The following ELK3 variants were observed in gnomAD, a reference collection of about 807,000 sequenced individuals.
ELK3 encodes the protein ETS transcription factor ELK3.
A neutral mutation model predicts 28.9 loss-of-function variants in ELK3; 10 were observed. That is an observed-to-expected ratio of 0.35 (90% CI 0.21 to 0.59). ELK3 has a LOEUF of 0.59. ELK3 is among the 20% of genes least tolerant of loss of function. The pLI is 0.82. For missense variants in ELK3, 463 were observed against 517.3 expected (o/e 0.90, Z 1.02); for synonymous variants, 272 against 243.5 (o/e 1.12, Z -1.09).
rs757158344 is a variant in ELK3 at position 96,247,092 on chromosome 12, G to A, written c.360G>A (p.Glu120=). ...GCAAGGCGTCTCCGGAGGGCCGCGAGGCCCACAAACACGGCCTGGCCGCCC... is the reference window on the plus strand; with the variant it reads ...GCAAGGCGTCTCCGGAGGGCCGCGAAGCCCACAAACACGGCCTGGCCGCCC... The part of the protein sequence containing the change: ...SDCKASPEGR[E]AHKHGLAALR... Residue 120 remains glutamate (E), a synonymous_variant, in exon 3 of 5, where the codon GAG becomes GAA. Coordinates refer to ENST00000228741, the MANE Select transcript of ELK3 (RefSeq NM_005230.4). This position sits in a 1 kb window ranked among gnomAD's most constrained non-coding sequence, Gnocchi z 5.5. 1.2e-6 allele frequency: 2 copies of A among 1,613,768 alleles called. No homozygotes were observed. The highest frequency in any genetic ancestry group is 1.7e-6 in the Non-Finnish European group (2 of 1,179,934).
intron 2 of ELK3, among the ~76,000 whole-genome samples, chr12:96,239,003 A>G (rs569935632): frequency 2.0e-5 from 3 of 152,260 alleles, no homozygotes; most frequent in Non-Finnish European, 4.4e-5. Flanking sequence ...ACTAGATACA[A>G]TTGGGTTCAA....
At chr12:96,265,208 G>A (rs747800063) in intron 4 of ELK3, among the ~76,000 whole-genome samples, 29 of 152,256 alleles carry the variant, frequency 1.9e-4, no homozygotes, top group Admixed American at 5.2e-4. Context: ...GCCTAATAAA[G>A]ATGACTAAAA....
At chr12:96,249,985 G>C (rs966297024) in intron 3 of ELK3, among the ~76,000 whole-genome samples, 3 of 152,208 alleles carry the variant, frequency 2.0e-5, no homozygotes, top group African/African-American at 4.8e-5. Flanking sequence ...TGAGGGTGGG[G>C]CTGTGATGAT....
chr12:96,208,137 C>T (rs924171230), intron 1 of ELK3, among the ~76,000 whole-genome samples: 5 of 152,236 alleles, frequency 3.3e-5, no homozygotes, highest in Admixed American at 1.3e-4. Context: ...CTGTAACCTC[C>T]GCCTCCCAGC....
intron 1 of ELK3, among the ~76,000 whole-genome samples, chr12:96,200,025 GAT>G (rs1346087454): frequency 6.6e-6 from 1 of 151,990 alleles, no homozygotes; most frequent in East Asian, 1.9e-4. Context: ...GGAGTGATGG[GAT>G]AGGTATAAAA....
At chr12:96,256,832 G>A (rs751691877) in intron 3 of ELK3, among the ~76,000 whole-genome samples, 2 of 152,150 alleles carry the variant, frequency 1.3e-5, no homozygotes, top group East Asian at 1.9e-4. Context: ...AGGAGGCAGC[G>A]GGCCGGGGCA....
chr12:96,245,078 C>A (rs1374925545), intron 2 of ELK3, among the ~76,000 whole-genome samples: 1 of 152,134 alleles, frequency 6.6e-6, no homozygotes, highest in Non-Finnish European at 1.5e-5. Context: ...CTAAGGTGCC[C>A]TGGGCGTCGG....
rs200446514 is a variant in ELK3 at position 96,247,522 on chromosome 12, G to A, written c.790G>A (p.Ala264Thr). 11 of 1,590,514 alleles carry A rather than the reference G, an allele frequency of 6.9e-6. No individual in the cohort carries two copies. The highest frequency in any genetic ancestry group is 4.7e-5 in the East Asian group (2 of 42,558). The change falls in exon 3 of 5, where the codon GCC (alanine) becomes ACC (threonine). Residue 264 changes from alanine to threonine, a missense_variant. Ala to Thr is a moderately conservative substitution (Grantham distance 58). This residue lies in a region of ELK3 where 408 missense variants were observed against 414.8 expected (regional missense o/e 0.98). Coordinates refer to ENST00000228741, the MANE Select transcript of ELK3 (RefSeq NM_005230.4). The surrounding 1 kb of genome is among the most constrained non-coding windows in gnomAD (Gnocchi z 5.5). The part of the protein sequence containing the change: ...SEHRSLFLEA[A>T]CHDSDSLEPL... ...ACACAGAAGCCTCTTCCTGGAGGCC[G>A]CCTGCCATGACTCCGATTCCCTGGA...
intron 4 of ELK3, among the ~76,000 whole-genome samples, chr12:96,265,165 C>T (rs1374442354): frequency 6.6e-6 from 1 of 152,032 alleles, no homozygotes; most frequent in East Asian, 1.9e-4. Context: ...GGAAACGTTG[C>T]AGTTTAAAAT....
At chr12:96,231,617 C>T (rs559830825) in intron 2 of ELK3, among the ~76,000 whole-genome samples, 1 of 152,276 alleles carries the variant, frequency 6.6e-6, no homozygotes, top group Admixed American at 6.5e-5. Context: ...CTCAGCCTCC[C>T]GAGTAGCTGG....
chr12:96,200,381 C>CT (rs148626709), intron 1 of ELK3, among the ~76,000 whole-genome samples: 2,117 of 151,966 alleles, frequency 0.014, 49 homozygotes, highest in African/African-American at 0.049. Context: ...TCCCCTCTCT[C>CT]TTTTTTTTAA....
At chr12:96,225,884 G>A (rs904789097) in intron 2 of ELK3, among the ~76,000 whole-genome samples, 3 of 152,208 alleles carry the variant, frequency 2.0e-5, no homozygotes, top group Admixed American at 2.0e-4. Context: ...CCTAATCCCA[G>A]CACTTTGGGA....
At chr12:96,217,774 A>T (rs904856275) in intron 1 of ELK3, among the ~76,000 whole-genome samples, 1 of 151,730 alleles carries the variant, frequency 6.6e-6, no homozygotes, top group East Asian at 1.9e-4. Context: ...TGTCTCCACT[A>T]AAAATACAAA....
At chr12:96,263,215 G>A (rs1952006551) in intron 4 of ELK3, among the ~76,000 whole-genome samples, 4 of 152,124 alleles carry the variant, frequency 2.6e-5, no homozygotes. Flanking sequence ...GAATTCCAAG[G>A]AAGGAGAGAG....
At chr12:96,201,359 A>G (rs1951506457) in intron 1 of ELK3, among the ~76,000 whole-genome samples, 2 of 152,000 alleles carry the variant, frequency 1.3e-5, no homozygotes, top group South Asian at 2.1e-4. Flanking sequence ...AGTGGCTCAC[A>G]TGTGTCATCC....
chr12:96,239,392 G>A (rs1274661276), intron 2 of ELK3, among the ~76,000 whole-genome samples: 1 of 152,082 alleles, frequency 6.6e-6, no homozygotes, highest in Non-Finnish European at 1.5e-5. Context: ...TAGCTACGTG[G>A]TATTCCATTG....
At chr12:96,222,515 T>C (rs890434638) in intron 1 of ELK3, among the ~76,000 whole-genome samples, 9 of 152,274 alleles carry the variant, frequency 5.9e-5, no homozygotes. Context: ...GTCTCTGCAA[T>C]TGGCAGTGAT....
At chr12:96,231,114 A>G (rs1184448963) in intron 2 of ELK3, among the ~76,000 whole-genome samples, 1 of 152,156 alleles carries the variant, frequency 6.6e-6, no homozygotes, top group Non-Finnish European at 1.5e-5. Context: ...TGGGCATTTT[A>G]CACTTCCTCT....
At chr12:96,196,129 A>C (rs1205429822) in intron 1 of ELK3, among the ~76,000 whole-genome samples, 1 of 152,138 alleles carries the variant, frequency 6.6e-6, no homozygotes, top group Non-Finnish European at 1.5e-5. Flanking sequence ...CACACCAACT[A>C]ATCTCATTAG....
Sources: gnomAD v4.1 joint callset for allele counts (sites outside exome capture counted in the v4.1 genomes callset) on GRCh38, gnomAD v4.1.1 for gene constraint, gnomAD v4.1.1 regional missense constraint, Gnocchi (gnomAD v3.1) non-coding constraint, MANE v1.5 for transcripts, NCBI Gene and HGNC (gene_info 2026-07-23, HGNC 2026-07-21) for gene names.